NEXMIF: variants seen among roughly 807,000 people sequenced by gnomAD.
NEXMIF encodes the protein XLMR protein related to neurite extension.
In NEXMIF, 8 loss-of-function variants were observed where a neutral mutation model predicts 62.1. The ratio of observed to expected loss-of-function variants is 0.13; its 90% CI spans 0.08 to 0.23. The LOEUF (loss-of-function observed/expected upper bound fraction) is 0.23, where lower values mean the gene tolerates loss of function less well. Ranked by LOEUF, NEXMIF falls within the 10% of genes least tolerant of loss-of-function variation. The pLI is 1.00. For missense variants in NEXMIF, 976 were observed against 1,113.3 expected (o/e 0.88, Z 1.75); for synonymous variants, 404 against 416.6 (o/e 0.97, Z 0.37).
chrX:74,901,157 T>A (rs1326895689), intron 1 of NEXMIF, among the ~76,000 whole-genome samples: 3 of 112,031 alleles, frequency 2.7e-5, no homozygotes, highest in Non-Finnish European at 5.6e-5. Flanking sequence ...GATGGTAAAT[T>A]TTATGTGTAT....
chrX:74,869,117 G>T (rs954386088), intron 1 of NEXMIF, among the ~76,000 whole-genome samples: 1 of 111,370 alleles, frequency 9.0e-6, no homozygotes, highest in Non-Finnish European at 1.9e-5. Context: ...ACATTAAAAA[G>T]ATCATTTATT....
chrX:74,867,638 A>G (rs2080585087), intron 1 of NEXMIF, among the ~76,000 whole-genome samples: 1 of 112,423 alleles, frequency 8.9e-6, no homozygotes, highest in Non-Finnish European at 1.9e-5. Context: ...TATGCTGAAG[A>G]TGGACTAAAG....
intron 1 of NEXMIF, among the ~76,000 whole-genome samples, chrX:74,750,934 T>A (rs2080140167): frequency 9.0e-6 from 1 of 111,654 alleles, no homozygotes; most frequent in African/African-American, 3.3e-5. Context: ...ATGATAAAGA[T>A]TCCAAAATTC....
At chrX:74,878,573 C>T (rs945141691) in intron 1 of NEXMIF, among the ~76,000 whole-genome samples, 1 of 112,620 alleles carries the variant, frequency 8.9e-6, no homozygotes, top group Non-Finnish European at 1.9e-5. Context: ...CAATGGCAGG[C>T]GCCCCTCCCC....
Position 74,740,087 on chromosome X carries a change from G to C in NEXMIF, c.4457+13C>G. On this transcript the variant is annotated intron_variant, in intron 3 of 3. Coordinates refer to ENST00000055682, the MANE Select transcript of NEXMIF (RefSeq NM_001008537.3). ...AAGGGTGCATCATCTCAGCCATACT[G>C]GTGCAGTATTACCTCAGTTTTTCAA... 8.3e-7 allele frequency: 1 copy of C among 1,199,252 alleles called. No homozygotes were observed. Among genetic ancestry groups the C allele is most frequent in the Non-Finnish European group, 1.1e-6 (1 of 885,792 alleles).
At chrX:74,769,019 T>C in intron 1 of NEXMIF, among the ~76,000 whole-genome samples, 1 of 111,313 alleles carries the variant, frequency 9.0e-6, no homozygotes, top group East Asian at 2.8e-4. Flanking sequence ...ACAGAGAGAT[T>C]TGTCAGGAAC....
intron 1 of NEXMIF, among the ~76,000 whole-genome samples, chrX:74,835,574 C>T (rs1602244631): frequency 9.0e-6 from 1 of 111,575 alleles, no homozygotes; most frequent in East Asian, 2.8e-4. Flanking sequence ...TCTGGATGAC[C>T]AGAAAGGAAC....
chrX:74,751,573 C>T (rs1478089642), intron 1 of NEXMIF, among the ~76,000 whole-genome samples: 2 of 106,223 alleles, frequency 1.9e-5, no homozygotes, highest in African/African-American at 3.4e-5. Context: ...CTGCAACCTC[C>T]GCCTGCCACT....
chrX:74,865,737 C>T (rs1275255067), intron 1 of NEXMIF, among the ~76,000 whole-genome samples: 2 of 111,995 alleles, frequency 1.8e-5, no homozygotes, highest in Non-Finnish European at 3.8e-5. Context: ...CCTCTCTAGC[C>T]ATGGCTAAAG....
chrX:74,845,133 T>G (rs2080487655), intron 1 of NEXMIF, among the ~76,000 whole-genome samples: 1 of 111,653 alleles, frequency 9.0e-6, no homozygotes, highest in African/African-American at 3.3e-5. Flanking sequence ...TAGACCTTAT[T>G]TGAGTATCTA....
At chrX:74,860,763 G>A (rs1411748164) in intron 1 of NEXMIF, among the ~76,000 whole-genome samples, 1 of 111,214 alleles carries the variant, frequency 9.0e-6, no homozygotes, top group Non-Finnish European at 1.9e-5. Context: ...TGCTAAGAGG[G>A]AAGTTTATAG....
intron 1 of NEXMIF, among the ~76,000 whole-genome samples, chrX:74,777,787 C>A (rs1411455837): frequency 9.0e-6 from 1 of 111,582 alleles, no homozygotes; most frequent in Non-Finnish European, 1.9e-5. Flanking sequence ...TCATGGCCAG[C>A]AGGATTGGGG....
intron 1 of NEXMIF, among the ~76,000 whole-genome samples, chrX:74,766,923 C>T (rs1036133300): frequency 2.7e-5 from 3 of 111,950 alleles, no homozygotes; most frequent in African/African-American, 9.7e-5. Context: ...GGTTGTGCTG[C>T]AGTCCTAGGT....
chrX:74,923,329 ACCAGCC>A lies in NEXMIF; in HGVS notation c.-48+1548_-48+1553del, dbSNP rs761998056. Among the ~76,000 whole-genome samples the A allele has an allele frequency of 3.3e-4, 37 of 112,095 alleles. 1 individual carries two copies. Among genetic ancestry groups the A allele is most frequent in the Non-Finnish European group, 6.4e-4 (34 of 53,270 alleles). The stretch of plus-strand genomic sequence containing the variant: ...AAATTAGACACTGTAATAAAAATGT[ACCAGCC>A]CAAATTTAAATTGCTCACTAGACAG... On this transcript the variant is annotated intron_variant, in intron 1 of 3. Coordinates refer to ENST00000055682, the MANE Select transcript of NEXMIF (RefSeq NM_001008537.3).
intron 1 of NEXMIF, among the ~76,000 whole-genome samples, chrX:74,816,171 C>T (rs1378186700): frequency 8.9e-6 from 1 of 111,889 alleles, no homozygotes; most frequent in Non-Finnish European, 1.9e-5. Flanking sequence ...TTTCTTTAAA[C>T]TCCAGAGTAC....
chrX:74,769,685 A>G, intron 1 of NEXMIF: 1 of 722,261 alleles, frequency 1.4e-6, no homozygotes, highest in African/African-American at 2.1e-5. Context: ...AAAGCACAAG[A>G]ATTTGTTCTT....
intron 1 of NEXMIF, among the ~76,000 whole-genome samples, chrX:74,776,768 T>G (rs1441218019): frequency 9.4e-6 from 1 of 105,956 alleles, no homozygotes; most frequent in Non-Finnish European, 1.9e-5. Flanking sequence ...GGAAGTAGGA[T>G]TATCTTATAT....
intron 1 of NEXMIF, among the ~76,000 whole-genome samples, chrX:74,844,899 A>AT (rs1266134484): frequency 2.7e-5 from 3 of 111,714 alleles, no homozygotes; most frequent in Admixed American, 9.5e-5. Flanking sequence ...ATCCAACACC[A>AT]TTTTTTTCAA....
At chrX:74,814,518 T>C (rs2080369894) in intron 1 of NEXMIF, among the ~76,000 whole-genome samples, 1 of 111,643 alleles carries the variant, frequency 9.0e-6, no homozygotes, top group Non-Finnish European at 1.9e-5. Context: ...ATGTGCCAGG[T>C]CTCTTGCTAT....
Sources: allele counts gnomAD v4.1 joint callset (sites outside exome capture counted in the v4.1 genomes callset), GRCh38; gene constraint gnomAD v4.1.1; transcripts MANE v1.5; gene names NCBI Gene and HGNC (gene_info 2026-07-23, HGNC 2026-07-21).